Variants in CREM observed in about 807,000 individuals in gnomAD.
The protein encoded by CREM is cAMP-responsive element modulator.
In CREM, 13 loss-of-function variants were observed where a neutral mutation model predicts 37.3. The observed-to-expected ratio is 0.35, with a 90% CI of 0.23 to 0.55. The LOEUF is 0.55. Among genes scored for constraint, CREM ranks in the 20% least tolerant of loss-of-function variants. The pLI, the probability that CREM is intolerant of heterozygous loss-of-function variation, is 0.88. For synonymous variants in CREM, 124 were observed against 120.2 expected, an observed-to-expected ratio of 1.03 and a Z score of -0.21; for missense variants, 296 against 362.3, an observed-to-expected ratio of 0.82 and a Z score of 1.49.
chr10:35,180,207 G>C (rs1254684243), intron 5 of CREM, among the ~76,000 whole-genome samples: 1 of 152,060 alleles, frequency 6.6e-6, no homozygotes, highest in Non-Finnish European at 1.5e-5. Context: ...CATAATTTTA[G>C]TTTTCTGACT....
At chr10:35,183,503 ATTG>A (rs2094438085) in intron 5 of CREM, among the ~76,000 whole-genome samples, 1 of 152,134 alleles carries the variant, frequency 6.6e-6, no homozygotes. Flanking sequence ...TGATGTTGCT[ATTG>A]TTGTTATAGC....
chr10:35,189,677 G>T (rs1287095389), intron 6 of CREM, among the ~76,000 whole-genome samples: 9 of 151,980 alleles, frequency 5.9e-5, no homozygotes, highest in Non-Finnish European at 8.8e-5. Context: ...CGCCATGCCC[G>T]GCTAATTTAT....
chr10:35,204,586 A>C (rs2134434676), intron 6 of CREM, among the ~76,000 whole-genome samples: 1 of 147,130 alleles, frequency 6.8e-6, no homozygotes, highest in Admixed American at 6.9e-5. Context: ...GTGTCAGCAA[A>C]ACTACGTCTC....
intron 3 of CREM, among the ~76,000 whole-genome samples, chr10:35,174,631 A>G (rs557058618): frequency 2.0e-5 from 3 of 152,332 alleles, no homozygotes; most frequent in Admixed American, 1.3e-4. Context: ...TGGTTCTACT[A>G]CCACTCATGA....
intron 5 of CREM, among the ~76,000 whole-genome samples, chr10:35,184,895 T>G (rs1269214137): frequency 6.6e-6 from 1 of 152,160 alleles, no homozygotes; most frequent in Non-Finnish European, 1.5e-5. Context: ...GACTTGATCG[T>G]TATTTAAAAG....
At chr10:35,188,450 TG>T (rs1377792454) in intron 6 of CREM, 62 bp downstream of exon 6, 15 of 1,391,224 alleles carry the variant, frequency 1.1e-5, no homozygotes, top group Non-Finnish European at 1.4e-5. Flanking sequence ...CACCATTGAG[TG>T]GTGATTTTAT....
intron 1 of CREM, among the ~76,000 whole-genome samples, chr10:35,132,999 G>C (rs1455021113): frequency 1.3e-5 from 2 of 152,160 alleles, no homozygotes; most frequent in Non-Finnish European, 2.9e-5. Flanking sequence ...CAAATAAACA[G>C]ATTGTATTTC....
At position 35,137,780 on chromosome 10, in the gene CREM, A is replaced by C; in HGVS notation, c.-54-2A>C. ...CAATTCAACATTATAATTTTACTGC[A>C]GGATAAATAAAGAAAACAGGAAAGG... On this transcript the variant is annotated splice_acceptor_variant, in intron 1 of 7. Coordinates refer to ENST00000685392, the MANE Select transcript of CREM (RefSeq NM_183011.2). LOFTEE classifies it low-confidence loss of function (5UTR_SPLICE). 7.3e-7 allele frequency: 1 copy of C among 1,363,154 alleles called. No individual in the cohort carries two copies. Among genetic ancestry groups the C allele is most frequent in the African/African-American group, 1.5e-5 (1 of 67,308 alleles). 84.4% of individuals were successfully genotyped at this position (1,363,154 alleles called of 1,614,324 possible).
At chr10:35,181,466 T>TA (rs1359084912) in intron 5 of CREM, among the ~76,000 whole-genome samples, 1 of 152,214 alleles carries the variant, frequency 6.6e-6, no homozygotes, top group Non-Finnish European at 1.5e-5. Context: ...GTGTCCTTGG[T>TA]ACCTGCTCAC....
At position 35,169,994 on chromosome 10, in the gene CREM, G is replaced by A. The variant is rs577944862; in HGVS notation, c.169-8895G>A. Among the ~76,000 whole-genome samples, 88 of 140,662 alleles carry A rather than the reference G, an allele frequency of 6.3e-4. No homozygotes were observed. In the South Asian group the frequency reaches 0.02, roughly 32 times the overall value. 92.3% of individuals were successfully genotyped at this position (140,662 alleles called of 152,430 possible). On this transcript the variant is annotated intron_variant, in intron 3 of 7. Coordinates refer to ENST00000685392, the MANE Select transcript of CREM (RefSeq NM_183011.2). The stretch of plus-strand genomic sequence containing the variant: ...TTTTTTTTTTTTGAGATGGAGTCTC[G>A]CTCTTTTGCCCAAGCTGGAGTGCAG...
chr10:35,196,147 G>A (rs1483279516), intron 6 of CREM: 2 of 1,598,142 alleles, frequency 1.3e-6, no homozygotes, highest in Admixed American at 3.3e-5. Flanking sequence ...CGCCTGGTGA[G>A]AAATGGATTA....
chr10:35,201,269 A>T (rs548281207), intron 6 of CREM, among the ~76,000 whole-genome samples: 1 of 152,236 alleles, frequency 6.6e-6, no homozygotes, highest in South Asian at 2.1e-4. Flanking sequence ...TATGCGTTTT[A>T]ACTAATATAC....
chr10:35,194,217 T>G (rs959543676), intron 6 of CREM, among the ~76,000 whole-genome samples: 3 of 152,042 alleles, frequency 2.0e-5, no homozygotes, highest in African/African-American at 7.2e-5. Context: ...TGGTTGAACA[T>G]TCGCCCATTT....
At chr10:35,199,948 G>A (rs2095335319) in intron 6 of CREM, among the ~76,000 whole-genome samples, 1 of 141,028 alleles carries the variant, frequency 7.1e-6, no homozygotes, top group Admixed American at 7.5e-5. Flanking sequence ...GGAGTACAGT[G>A]GCGTGATCTT....
At chr10:35,163,548 A>C (rs1457005208) in intron 3 of CREM, among the ~76,000 whole-genome samples, 1 of 152,088 alleles carries the variant, frequency 6.6e-6, no homozygotes, top group Non-Finnish European at 1.5e-5. Flanking sequence ...GGCCAGGTGC[A>C]GTGGCTCACG....
chr10:35,181,668 C>CT (rs1179397232), intron 5 of CREM, among the ~76,000 whole-genome samples: 1 of 152,136 alleles, frequency 6.6e-6, no homozygotes, highest in Non-Finnish European at 1.5e-5. Flanking sequence ...GAGGCCAGGA[C>CT]TTTGAGACCA....
chr10:35,195,530 T>C (rs2095119277), intron 6 of CREM, among the ~76,000 whole-genome samples: 1 of 151,952 alleles, frequency 6.6e-6, no homozygotes, highest in Admixed American at 6.6e-5. Flanking sequence ...GTGTCTCTCT[T>C]TCATATGCAT....
intron 3 of CREM, among the ~76,000 whole-genome samples, chr10:35,155,986 C>T (rs2092884822): frequency 6.7e-6 from 1 of 150,230 alleles, no homozygotes; most frequent in African/African-American, 2.5e-5. Context: ...GTTGCCCAGG[C>T]TGGAGTGCAG....
At chr10:35,161,223 G>A (rs559328399) in intron 3 of CREM, among the ~76,000 whole-genome samples, 12 of 151,560 alleles carry the variant, frequency 7.9e-5, no homozygotes, top group Admixed American at 2.0e-4. Flanking sequence ...TGCAACCTCC[G>A]CCTCCTGGGT....
Sources: allele counts gnomAD v4.1 joint callset (sites outside exome capture counted in the v4.1 genomes callset), GRCh38; gene constraint gnomAD v4.1.1; transcripts MANE v1.5; gene names NCBI Gene and HGNC (gene_info 2026-07-23, HGNC 2026-07-21).